The following HIPK2 variants were observed in gnomAD, a reference collection of about 807,000 sequenced individuals.
HIPK2 encodes the protein homeodomain interacting protein kinase 2, also known as homeodomain-interacting protein kinase 2.
In HIPK2, 27 loss-of-function variants were observed where a neutral mutation model predicts 113.7. That is an observed-to-expected ratio of 0.24 (90% confidence interval 0.17 to 0.33). The LOEUF (loss-of-function observed/expected upper bound fraction) is 0.33. Ranked by LOEUF, HIPK2 falls within the 10% of genes least tolerant of loss-of-function variation. HIPK2 has a pLI of 1.00. For synonymous variants in HIPK2, 631 were observed against 642.2 expected (o/e 0.98, Z 0.26); for missense variants, 1,257 against 1,588.0 (o/e 0.79, Z 3.54).
chr7:139,624,959 C>G (rs1800375812), intron 6 of HIPK2, among the ~76,000 whole-genome samples: 1 of 152,220 alleles, frequency 6.6e-6, no homozygotes. Context: ...GCTCCAGCTA[C>G]CTAAACTTTC....
intron 2 of HIPK2, among the ~76,000 whole-genome samples, chr7:139,654,055 G>A (rs1025936650): frequency 1.3e-5 from 2 of 152,132 alleles, no homozygotes; most frequent in Admixed American, 6.5e-5. Flanking sequence ...TTACTACAGA[G>A]ACAGGTTTGT....
chr7:139,708,675 G>A (rs968808232), intron 2 of HIPK2, among the ~76,000 whole-genome samples: 3 of 152,238 alleles, frequency 2.0e-5, no homozygotes, highest in Admixed American at 6.5e-5. Context: ...TGTCTCTGGG[G>A]ACACTGGGGT....
At chr7:139,674,904 T>C (rs1802442718) in intron 2 of HIPK2, among the ~76,000 whole-genome samples, 1 of 152,172 alleles carries the variant, frequency 6.6e-6, no homozygotes, top group South Asian at 2.1e-4. Flanking sequence ...CTTCCTGCCA[T>C]CCACCCTGGC....
chr7:139,756,129 G>C (rs142202756), intron 1 of HIPK2, among the ~76,000 whole-genome samples: 210 of 152,112 alleles, frequency 1.4e-3, no homozygotes, highest in African/African-American at 4.8e-3. Flanking sequence ...TAATATAAGG[G>C]TAATAATAAT....
chr7:139,626,272 T>G, intron 6 of HIPK2, among the ~76,000 whole-genome samples: 1 of 151,996 alleles, frequency 6.6e-6, no homozygotes. Flanking sequence ...CCAGCTGATT[T>G]TTGTATTTTT....
In HIPK2 at chr7:139,572,738, T is replaced by C. The variant is rs1156760780; in HGVS notation, c.*189A>G. The stretch of plus-strand genomic sequence containing the variant: ...CACTTCCCGGTTCAAGTTTCACTGG[T>C]GTCCCGACCCGTCCCCCTGCCCTCT... On this transcript the variant is annotated 3_prime_UTR_variant, in exon 15 of 15. Coordinates refer to ENST00000406875, the MANE Select transcript of HIPK2 (RefSeq NM_022740.5). The C allele has an allele frequency of 4.3e-5, 22 of 513,488 alleles. No individual in the cohort carries two copies. Among genetic ancestry groups the C allele is most frequent in the Non-Finnish European group, 7.0e-5 (21 of 298,806 alleles). 31.8% of individuals were successfully genotyped at this position (513,488 alleles called of 1,614,324 possible).
chr7:139,670,299 T>C (rs1802217242), intron 2 of HIPK2, among the ~76,000 whole-genome samples: 1 of 152,082 alleles, frequency 6.6e-6, no homozygotes, highest in Non-Finnish European at 1.5e-5. Flanking sequence ...CTAAGGAAAC[T>C]GTGGCTGGGG....
At chr7:139,574,037 T>C (rs1234448425) in intron 14 of HIPK2, among the ~76,000 whole-genome samples, 2 of 152,078 alleles carry the variant, frequency 1.3e-5, no homozygotes, top group Admixed American at 6.6e-5. Context: ...CCTAGCTCAC[T>C]GTAGCCTTGA....
intron 2 of HIPK2, among the ~76,000 whole-genome samples, chr7:139,667,334 G>T (rs1022086880): frequency 7.2e-5 from 11 of 151,980 alleles, no homozygotes; most frequent in Non-Finnish European, 1.5e-5. Context: ...GAAACAGTTG[G>T]ATAATCACAT....
chr7:139,605,618 T>C (rs918886884), intron 9 of HIPK2, among the ~76,000 whole-genome samples: 1 of 152,160 alleles, frequency 6.6e-6, no homozygotes, highest in Non-Finnish European at 1.5e-5. Flanking sequence ...AGAATCACAT[T>C]TGAGAGCTGA....
chr7:139,683,237 C>A lies in HIPK2; in HGVS notation c.1103+32695G>T, dbSNP rs568272674. On this transcript the variant is annotated intron_variant, in intron 2 of 14. Transcript: ENST00000406875. The surrounding 1 kb of genome is among the most constrained non-coding windows in gnomAD (Gnocchi z 4.2). ...CGTGCCACACACGAGGATAAAAATG[C>A]GAACAGAGACTGCATTAGCTGCCTG... 6.6e-6 allele frequency among the ~76,000 whole-genome samples: 1 copy of A among 152,160 alleles called. No homozygotes were observed. Among genetic ancestry groups the A allele is most frequent in the African/African-American group, 2.4e-5 (1 of 41,446 alleles).
At chr7:139,728,984 T>G (rs1399800953) in intron 1 of HIPK2, among the ~76,000 whole-genome samples, 1 of 152,198 alleles carries the variant, frequency 6.6e-6, no homozygotes, top group Non-Finnish European at 1.5e-5. Context: ...CATATAGGAA[T>G]GTATCTCTCA....
intron 2 of HIPK2, among the ~76,000 whole-genome samples, chr7:139,707,956 C>T (rs1569478263): frequency 2.0e-5 from 3 of 152,114 alleles, no homozygotes; most frequent in African/African-American, 7.2e-5. Context: ...CACATGACCC[C>T]TCCTATGGTA....
intron 14 of HIPK2, among the ~76,000 whole-genome samples, chr7:139,574,219 T>C (rs529811387): frequency 7.0e-4 from 107 of 152,144 alleles, no homozygotes; most frequent in African/African-American, 2.4e-3. Context: ...ACAAAAAATT[T>C]TGAAAATTAG....
intron 2 of HIPK2, among the ~76,000 whole-genome samples, chr7:139,705,870 C>T (rs570574720): frequency 6.0e-4 from 91 of 151,680 alleles, no homozygotes; most frequent in African/African-American, 2.2e-3. Context: ...CCTGAGTGCT[C>T]ACTATGTGCC....
At chr7:139,589,610 G>A (rs1229870293) in intron 12 of HIPK2, among the ~76,000 whole-genome samples, 4 of 152,200 alleles carry the variant, frequency 2.6e-5, no homozygotes, top group African/African-American at 9.7e-5. Context: ...ATGAGTCACT[G>A]AGCTTCTTGT....
At position 139,572,914 on chromosome 7, in the gene HIPK2, T is replaced by TCCCCC; in HGVS notation, c.*12_*13insGGGGG. 5.4e-6 allele frequency: 1 copy of TCCCCC among 183,570 alleles called. No homozygotes were observed. Among genetic ancestry groups the TCCCCC allele is most frequent in the Non-Finnish European group, 1.0e-5 (1 of 96,040 alleles). The allele number at this position is 183,570 out of a possible 1,614,324, so 11.4% of individuals were successfully genotyped here. On this transcript the variant is annotated 3_prime_UTR_variant, in exon 15 of 15. Transcript: ENST00000406875. ...TTCTCTCCCTCCCTCCCTCCCTCCCTCCCCTCCAGTGTTTATATGTAAGGG... is the reference window on the plus strand; with the variant it reads ...TTCTCTCCCTCCCTCCCTCCCTCCCTCCCCCCCCCTCCAGTGTTTATATGTAAGGG...
At chr7:139,643,693 C>T (rs1490799231) in intron 2 of HIPK2, among the ~76,000 whole-genome samples, 1 of 151,948 alleles carries the variant, frequency 6.6e-6, no homozygotes, top group Non-Finnish European at 1.5e-5. Context: ...ATTGACTTGA[C>T]TTGGTGAAAT....
chr7:139,589,843 G>C (rs907788652), intron 12 of HIPK2, among the ~76,000 whole-genome samples: 2 of 152,222 alleles, frequency 1.3e-5, no homozygotes, highest in Non-Finnish European at 1.5e-5. Context: ...GTTGTAGCTG[G>C]GGAGCCCCTG....
Sources: gnomAD v4.1 joint callset for allele counts (sites outside exome capture counted in the v4.1 genomes callset) on GRCh38, gnomAD v4.1.1 for gene constraint, Gnocchi (gnomAD v3.1) non-coding constraint, MANE v1.5 for transcripts, NCBI Gene and HGNC (gene_info 2026-07-23, HGNC 2026-07-21) for gene names.